RHBDD1: variants seen among roughly 807,000 people sequenced by gnomAD.
The protein encoded by RHBDD1 is rhomboid domain containing 1.
A neutral mutation model predicts 36.3 loss-of-function variants in RHBDD1; 38 were observed. The ratio of observed to expected loss-of-function variants is 1.05; its 90% CI spans 0.81 to 1.37. The LOEUF (loss-of-function observed/expected upper bound fraction) is 1.37. Ranked by LOEUF, RHBDD1 falls within the 40% of genes most tolerant of loss-of-function variation. The pLI, the probability that RHBDD1 is intolerant of heterozygous loss-of-function variation, is 0.00. For synonymous variants in RHBDD1, 151 were observed against 136.5 expected (o/e 1.11, Z -0.74); for missense variants, 393 against 377.6 (o/e 1.04, Z -0.34).
At chr2:226,954,936 G>A (rs889775055) in intron 8 of RHBDD1, among the ~76,000 whole-genome samples, 2 of 151,952 alleles carry the variant, frequency 1.3e-5, no homozygotes, top group Non-Finnish European at 2.9e-5. Context: ...TAGGGGTGGG[G>A]GCAGGCACAG....
At chr2:226,897,725 G>A (rs1005807684) in intron 5 of RHBDD1, among the ~76,000 whole-genome samples, 13 of 152,030 alleles carry the variant, frequency 8.6e-5, no homozygotes, top group African/African-American at 2.4e-4. Context: ...TAATCCCAGC[G>A]CTTTGGGAGG....
rs561177083 is a variant in RHBDD1, at chr2:226,972,270, A to G, written c.857-23161A>G. ...AAAGGACATGATCTCATTCTTTTGT[A>G]TGGCTGCATAGTATTCCATGGTGTA... On this transcript the variant is annotated intron_variant, in intron 8 of 8. Coordinates refer to ENST00000392062, the MANE Select transcript of RHBDD1 (RefSeq NM_001167608.3). Among the ~76,000 whole-genome samples the G allele has an allele frequency of 2.4e-4, 37 of 152,212 alleles. 2 individuals carry two copies. Among genetic ancestry groups the G allele is most frequent in the Admixed American group, 2.1e-3 (32 of 15,292 alleles).
rs115829848 is a variant in RHBDD1, at chr2:226,981,599, G to A, written c.857-13832G>A. Among the ~76,000 whole-genome samples, 476 of 149,736 alleles carry A rather than the reference G, an allele frequency of 3.2e-3. 2 individuals are homozygous for A. Among genetic ancestry groups the A allele is most frequent in the Middle Eastern group, 0.01 (3 of 292 alleles). ...ACACACACACACACTTTCTCTAATGGGGAACAAGATTAGGATTTGGGAGAG... is the reference window on the plus strand; with the variant it reads ...ACACACACACACACTTTCTCTAATGAGGAACAAGATTAGGATTTGGGAGAG... On this transcript the variant is annotated intron_variant, in intron 8 of 8. Transcript: ENST00000392062.
the RHBDD1 span, among the ~76,000 whole-genome samples, chr2:226,805,281 C>T: frequency 2.6e-5 from 4 of 152,154 alleles, no homozygotes; most frequent in Admixed American, 1.3e-4. Flanking sequence ...GGCGCCGTCT[C>T]GGCTCACTGC....
rs568253078 is a variant in RHBDD1 at position 226,886,532 on chromosome 2, G to C, written c.566+19214G>C. On this transcript the variant is annotated intron_variant, in intron 5 of 8. Coordinates refer to ENST00000392062, the MANE Select transcript of RHBDD1 (RefSeq NM_001167608.3). ...AGGACAGTGGAAGCTCCTCCTGCAAGTGTTGTGCAGGACACGGTCCTGCCT... is the reference window on the plus strand; with the variant it reads ...AGGACAGTGGAAGCTCCTCCTGCAACTGTTGTGCAGGACACGGTCCTGCCT... 1.8e-4 allele frequency among the ~76,000 whole-genome samples: 28 copies of C among 152,336 alleles called. No homozygotes were observed. The East Asian group carries it at 2.9e-3, about 16-fold the overall frequency.
chr2:226,842,210 CTG>C (rs1470564597), intron 3 of RHBDD1, among the ~76,000 whole-genome samples: 1 of 152,000 alleles, frequency 6.6e-6, no homozygotes, highest in Non-Finnish European at 1.5e-5. Context: ...GATGGATAGA[CTG>C]TAAAAATTTT....
intron 3 of RHBDD1, among the ~76,000 whole-genome samples, chr2:226,841,045 G>T (rs1246797264): frequency 6.6e-6 from 1 of 152,064 alleles, no homozygotes; most frequent in African/African-American, 2.4e-5. Flanking sequence ...AATGAATTTT[G>T]TGCATACTGC....
At chr2:226,933,313 A>G (rs981050638) in intron 8 of RHBDD1, among the ~76,000 whole-genome samples, 1 of 152,114 alleles carries the variant, frequency 6.6e-6, no homozygotes, top group African/African-American at 2.4e-5. Flanking sequence ...AGCCTTTCAT[A>G]CATTTCCTGG....
intron 8 of RHBDD1, among the ~76,000 whole-genome samples, chr2:226,971,506 A>G (rs540776748): frequency 3.9e-5 from 6 of 152,324 alleles, no homozygotes; most frequent in African/African-American, 1.4e-4. Context: ...AAGGCATGAG[A>G]AAGAATAGAC....
intron 5 of RHBDD1, chr2:226,906,572 T>G: frequency 1.0e-6 from 1 of 966,310 alleles, no homozygotes; most frequent in Non-Finnish European, 1.5e-6. Context: ...AGGAGGGGTG[T>G]TGCGTTTTAA....
intron 8 of RHBDD1, among the ~76,000 whole-genome samples, chr2:226,970,422 T>C (rs921460289): frequency 1.3e-5 from 2 of 152,172 alleles, no homozygotes; most frequent in Non-Finnish European, 2.9e-5. Flanking sequence ...CTTTGTCTCA[T>C]GATATGAGTC....
chr2:226,995,654 A>G lies in RHBDD1; in HGVS notation c.*132A>G. On this transcript the variant is annotated 3_prime_UTR_variant, in exon 9 of 9. Coordinates refer to ENST00000392062, the MANE Select transcript of RHBDD1 (RefSeq NM_001167608.3). ...ACCGGTATTGCTCCAGATCGCTCAC[A>G]TCACCTGGGACAGTCCCATGGCCCC... 1 of 686,428 alleles carries G rather than the reference A, an allele frequency of 1.5e-6. No homozygotes were observed. The highest frequency in any genetic ancestry group is 2.6e-6 in the Non-Finnish European group (1 of 383,996). The allele number at this position is 686,428 out of a possible 1,614,324, so 42.5% of individuals were successfully genotyped here. A position where few individuals can be genotyped will look rare whatever the true frequency, so the allele number is the denominator to read the frequency against.
At chr2:226,818,308 C>T in the RHBDD1 span, among the ~76,000 whole-genome samples, 13 of 150,352 alleles carry the variant, frequency 8.6e-5, no homozygotes, top group Non-Finnish European at 1.6e-4. Context: ...TACAGGCGCC[C>T]GCCACCACAC....
chr2:226,876,398 C>T (rs191485993), intron 5 of RHBDD1, among the ~76,000 whole-genome samples: 23 of 152,190 alleles, frequency 1.5e-4, no homozygotes, highest in Admixed American at 5.2e-4. Flanking sequence ...GTTCATGGGC[C>T]GTATAGGAAT....
chr2:226,919,536 A>T (rs902029991), intron 8 of RHBDD1, among the ~76,000 whole-genome samples: 2 of 152,232 alleles, frequency 1.3e-5, no homozygotes, highest in Non-Finnish European at 2.9e-5. Context: ...ATTCTTCTGC[A>T]TATGGATATC....
At chr2:226,912,631 A>C (rs144829235) in intron 7 of RHBDD1, among the ~76,000 whole-genome samples, 99 of 152,316 alleles carry the variant, frequency 6.5e-4, no homozygotes, top group African/African-American at 2.2e-3. Flanking sequence ...GATTTTGTTT[A>C]TATGAGCTAT....
rs1411772752 is a variant in RHBDD1, at chr2:226,948,576, AAAAAAAAAACGAAAAAAAT to A, written c.856+34231_856+34249del. Among the ~76,000 whole-genome samples, 550 of 137,624 alleles carry A rather than the reference AAAAAAAAAACGAAAAAAAT, an allele frequency of 4.0e-3. 1 individual carries two copies. The highest frequency in any genetic ancestry group is 7.1e-3 in the Non-Finnish European group (460 of 65,128). The allele number at this position is 137,624 out of a possible 152,430, so 90.3% of individuals were successfully genotyped here. A position where few individuals can be genotyped will look rare whatever the true frequency, so the allele number is the denominator to read the frequency against. ...AAAACTTAAAGTATAAAAAAAAAAAAAAAAAAAAACGAAAAAAATAAAAATAAAAAAAAATAAAATAAAC... is the reference window on the plus strand; with the variant it reads ...AAAACTTAAAGTATAAAAAAAAAAAAAAAAATAAAAAAAAATAAAATAAAC... On this transcript the variant is annotated intron_variant, in intron 8 of 8. Coordinates refer to ENST00000392062, the MANE Select transcript of RHBDD1 (RefSeq NM_001167608.3).
intron 5 of RHBDD1, among the ~76,000 whole-genome samples, chr2:226,905,165 T>C (rs1041412589): frequency 4.6e-5 from 7 of 152,078 alleles, no homozygotes; most frequent in African/African-American, 7.2e-5. Context: ...TTGGCTTTTT[T>C]TTTTTTTTAA....
intron 3 of RHBDD1, among the ~76,000 whole-genome samples, chr2:226,861,205 C>A (rs918199873): frequency 6.6e-6 from 1 of 152,152 alleles, no homozygotes; most frequent in Admixed American, 6.5e-5. Context: ...AAAAGAATTA[C>A]AAAAATCATT....
Sources: allele counts gnomAD v4.1 joint callset (sites outside exome capture counted in the v4.1 genomes callset), GRCh38; gene constraint gnomAD v4.1.1; transcripts MANE v1.5; gene names NCBI Gene and HGNC (gene_info 2026-07-23, HGNC 2026-07-21).